Variants in ARMC9 observed in about 807,000 individuals in gnomAD.
ARMC9 encodes armadillo repeat containing 9, also known as lisH domain-containing protein ARMC9.
Under a neutral mutation model 107.0 loss-of-function variants are expected in ARMC9, and 94 were observed. The observed-to-expected ratio is 0.88, with a 90% CI of 0.74 to 1.04. ARMC9 has a LOEUF of 1.04. Among genes scored for constraint, ARMC9 ranks in the 50% least tolerant of loss-of-function variants. The pLI, the probability that ARMC9 is intolerant of heterozygous loss-of-function variation, is 0.00. For synonymous variants in ARMC9, 380 were observed against 396.9 expected (o/e 0.96, Z 0.51); for missense variants, 942 against 1,030.1 (o/e 0.91, Z 1.17).
At chr2:231,345,328 A>G (rs2044757711) in intron 21 of ARMC9, 1 of 627,278 alleles carries the variant, frequency 1.6e-6, no homozygotes. Context: ...CCACTTCAGA[A>G]GACAAATGTT....
intron 19 of ARMC9, among the ~76,000 whole-genome samples, chr2:231,298,455 G>A (rs911193297): frequency 2.0e-5 from 3 of 152,222 alleles, no homozygotes; most frequent in Non-Finnish European, 4.4e-5. Flanking sequence ...TTGAGAAGTA[G>A]CACTGTTGTT....
At position 231,235,979 on chromosome 2, in the gene ARMC9, G is replaced by A. The variant is rs144339032; in HGVS notation, c.780+598G>A. On this transcript the variant is annotated intron_variant, in intron 8 of 24. Transcript: ENST00000611582. ...TATATTTTTCAAATATTGAGACGGG[G>A]TCTTGCTTTGTTGCCCAGGCTGATT... is the stretch of plus-strand genomic sequence containing the variant. Among the ~76,000 whole-genome samples the A allele has an allele frequency of 1.2e-4, 19 of 152,244 alleles. No homozygotes were observed. In the East Asian group the frequency reaches 3.1e-3, roughly 25 times the overall value.
intron 19 of ARMC9, among the ~76,000 whole-genome samples, chr2:231,324,695 G>A (rs1222092938): frequency 6.6e-6 from 1 of 151,762 alleles, no homozygotes; most frequent in Middle Eastern, 3.2e-3. Flanking sequence ...GGTGAGTGGA[G>A]ATCACACCAT....
intron 23 of ARMC9, among the ~76,000 whole-genome samples, chr2:231,369,547 G>C (rs545638430): frequency 5.3e-5 from 8 of 151,124 alleles, no homozygotes; most frequent in African/African-American, 1.9e-4. Flanking sequence ...GCCCGCCTCG[G>C]CCTCCCAAAG....
intron 12 of ARMC9, among the ~76,000 whole-genome samples, chr2:231,263,251 C>T (rs1445047526): frequency 1.3e-5 from 2 of 152,188 alleles, no homozygotes; most frequent in African/African-American, 4.8e-5. Flanking sequence ...TGGACACTCA[C>T]CGATTAAACA....
intron 23 of ARMC9, among the ~76,000 whole-genome samples, chr2:231,364,830 C>T (rs934354041): frequency 6.6e-6 from 1 of 152,088 alleles, no homozygotes. Context: ...AAGTGGCCCT[C>T]GGCAGAGCAT....
At chr2:231,242,202 T>C (rs1031151858) in intron 9 of ARMC9, among the ~76,000 whole-genome samples, 8 of 152,050 alleles carry the variant, frequency 5.3e-5, no homozygotes, top group Non-Finnish European at 1.0e-4. Flanking sequence ...CACACAGTTA[T>C]TCCTGGTGCT....
intron 19 of ARMC9, among the ~76,000 whole-genome samples, chr2:231,309,503 A>G (rs1037053557): frequency 9.9e-5 from 15 of 152,172 alleles, no homozygotes; most frequent in Admixed American, 3.3e-4. Flanking sequence ...TACAATATTT[A>G]TTTAATAAAT....
chr2:231,208,232 T>C lies in ARMC9; in HGVS notation c.157T>C (p.Ser53Pro), dbSNP rs1177321158. The C allele has an allele frequency of 1.7e-5, 28 of 1,608,526 alleles. No individual in the cohort carries two copies. The highest frequency in any genetic ancestry group is 2.3e-5 in the Non-Finnish European group (27 of 1,177,640). Residue 53 changes from serine (S) to proline (P), a missense_variant, in exon 3 of 25, where the codon TCC (serine) becomes CCC (proline). Transcript: ENST00000611582. ...CKTVGGSFRD[S>P]KSLTIQKDLV... The stretch of plus-strand genomic sequence containing the variant: ...AACAGTAGGCGGATCTTTCAGAGAC[T>C]CCAAATCATTGACAATTCAGGTAAC...
chr2:231,228,279 A>T (rs535088354), intron 7 of ARMC9, among the ~76,000 whole-genome samples: 1 of 152,348 alleles, frequency 6.6e-6, no homozygotes, highest in East Asian at 1.9e-4. Flanking sequence ...ACATTCACTT[A>T]TAATGGTGAT....
chr2:231,229,304 A>C (rs1189069726), intron 7 of ARMC9, among the ~76,000 whole-genome samples: 1 of 152,190 alleles, frequency 6.6e-6, no homozygotes, highest in Non-Finnish European at 1.5e-5. Flanking sequence ...ATTTAATTCT[A>C]GACTCAGGCA....
chr2:231,263,505 G>T (rs113988280), intron 12 of ARMC9, among the ~76,000 whole-genome samples: 1 of 152,236 alleles, frequency 6.6e-6, no homozygotes, highest in African/African-American at 2.4e-5. Flanking sequence ...AACCCACTCC[G>T]GCAATAATGG....
intron 9 of ARMC9, 37 bp downstream of exon 9, chr2:231,240,078 T>C: frequency 6.6e-7 from 1 of 1,515,456 alleles, no homozygotes; most frequent in Non-Finnish European, 9.1e-7. Flanking sequence ...GCCCGTGGTC[T>C]ATCCCCCCAA....
chr2:231,254,964 G>A (rs918362278), intron 9 of ARMC9, among the ~76,000 whole-genome samples: 1 of 152,062 alleles, frequency 6.6e-6, no homozygotes, highest in African/African-American at 2.4e-5. Context: ...TAATATACAA[G>A]CACATAGCCA....
chr2:231,287,870 T>C (rs1358422947), intron 17 of ARMC9, among the ~76,000 whole-genome samples: 2 of 152,176 alleles, frequency 1.3e-5, no homozygotes, highest in Admixed American at 1.3e-4. Context: ...TCCAGCTTTA[T>C]TGATCATAGC....
rs565811858 is a variant in ARMC9, at chr2:231,361,867, A to G, written c.2261+984A>G. 4.8e-4 allele frequency among the ~76,000 whole-genome samples: 73 copies of G among 152,298 alleles called. No individual in the cohort carries two copies. The South Asian group carries it at 0.015, about 31-fold the overall frequency. On this transcript the variant is annotated intron_variant, in intron 23 of 24. Transcript: ENST00000611582. ...ACTGGTGGAGAAAATCGGAGAGAGA[A>G]AGAGGCAGGAAGAGAAATCAATGGG...
At chr2:231,246,640 A>G (rs570900483) in intron 9 of ARMC9, among the ~76,000 whole-genome samples, 2 of 152,092 alleles carry the variant, frequency 1.3e-5, no homozygotes, top group East Asian at 1.9e-4. Flanking sequence ...TGTCTTTGCT[A>G]TTGTGAATAG....
At chr2:231,216,049 T>C (rs539033173) in intron 4 of ARMC9, among the ~76,000 whole-genome samples, 7 of 152,226 alleles carry the variant, frequency 4.6e-5, no homozygotes, top group East Asian at 3.9e-4. Context: ...GGTTTTCTCA[T>C]TGAGGGCCAA....
chr2:231,353,584 C>T (rs1389232021), intron 21 of ARMC9, among the ~76,000 whole-genome samples: 2 of 150,776 alleles, frequency 1.3e-5, no homozygotes, highest in East Asian at 1.9e-4. Flanking sequence ...TGCTTCAGGG[C>T]ATGGCATGAG....
Sources: allele counts gnomAD v4.1 joint callset (sites outside exome capture counted in the v4.1 genomes callset), GRCh38; gene constraint gnomAD v4.1.1; transcripts MANE v1.5; gene names NCBI Gene and HGNC (gene_info 2026-07-23, HGNC 2026-07-21).